RGS9: variants seen among roughly 807,000 people sequenced by gnomAD.
The protein encoded by RGS9 is regulator of G protein signaling 9, also known as regulator of G-protein signalling 9.
In RGS9, 78 loss-of-function variants were observed where a neutral mutation model predicts 102.0. The observed-to-expected ratio is 0.76, with a 90% CI of 0.64 to 0.92. The LOEUF is 0.92. Ranked by LOEUF, RGS9 falls within the 40% of genes least tolerant of loss-of-function variation. RGS9 has a pLI of 0.00. For synonymous variants in RGS9, 353 were observed against 318.6 expected (o/e 1.11, Z -1.15); for missense variants, 833 against 866.1 (o/e 0.96, Z 0.48).
At chr17:65,209,032 C>G (rs1913183350) in intron 16 of RGS9, among the ~76,000 whole-genome samples, 1 of 152,142 alleles carries the variant, frequency 6.6e-6, no homozygotes, top group Non-Finnish European at 1.5e-5. Context: ...CCTGTAATAG[C>G]TCCAGTAGTT....
In RGS9 at chr17:65,169,516, A is replaced by G. The variant is rs371470815; in HGVS notation, c.582+1235A>G. Among the ~76,000 whole-genome samples, 67 of 152,300 alleles carry G rather than the reference A, an allele frequency of 4.4e-4. 1 individual carries two copies. The South Asian group carries it at 0.014, about 31-fold the overall frequency. On this transcript the variant is annotated intron_variant, in intron 8 of 18. Transcript: ENST00000262406. ...GAAGCACTCTGTGGTGAGGATAAGG[A>G]GACATGGCGGATATGCCACATTTGG...
At chr17:65,167,368 A>T (rs996500746) in intron 7 of RGS9, among the ~76,000 whole-genome samples, 3 of 151,328 alleles carry the variant, frequency 2.0e-5, no homozygotes, top group Non-Finnish European at 4.4e-5. Context: ...TGCCCGGAAC[A>T]TTTTTATATT....
chr17:65,160,223 C>CT lies in RGS9; in HGVS notation c.206-6dup. 1 of 1,606,682 alleles carries CT rather than the reference C, an allele frequency of 6.2e-7. No individual in the cohort carries two copies. Among genetic ancestry groups the CT allele is most frequent in the Non-Finnish European group, 8.5e-7 (1 of 1,173,216 alleles). Reference sequence around the variant, plus strand: ...GCTCTTAACATCCATGTCTGAACTGCTTTTCCCAGAGGCACAGAACTTGGG... The same window carrying CT: ...GCTCTTAACATCCATGTCTGAACTGCTTTTTCCCAGAGGCACAGAACTTGGG... On this transcript the variant is annotated splice_polypyrimidine_tract_variant and intron_variant, in intron 3 of 18. Coordinates refer to ENST00000262406, the MANE Select transcript of RGS9 (RefSeq NM_003835.4).
chr17:65,216,534 G>A (rs1369157207), intron 17 of RGS9, among the ~76,000 whole-genome samples: 1 of 152,190 alleles, frequency 6.6e-6, no homozygotes, highest in African/African-American at 2.4e-5. Flanking sequence ...CTACTCAGGC[G>A]GCTGAGACAG....
chr17:65,157,548 C>T (rs1194239093), intron 2 of RGS9, among the ~76,000 whole-genome samples: 3 of 151,924 alleles, frequency 2.0e-5, no homozygotes, highest in Non-Finnish European at 4.4e-5. Context: ...GCCCGCCTCT[C>T]CTGCTGTTTT....
rs1905756756 is a variant in RGS9 at position 65,227,573 on chromosome 17, T to C, written c.*166T>C. On this transcript the variant is annotated 3_prime_UTR_variant, in exon 19 of 19. Transcript: ENST00000262406. ...AGATTGTGGCAAAGAATGCTCTGGC[T>C]GGTTACCAGGGGCCAACTCCTTCTC... 3.1e-6 allele frequency: 3 copies of C among 980,272 alleles called. No homozygotes were observed. The Admixed American group carries it at 6.3e-5, about 20-fold the overall frequency. The allele number at this position is 980,272 out of a possible 1,614,324, so 60.7% of individuals were successfully genotyped here.
rs372040591 is a variant in RGS9, at chr17:65,156,871, A to G, written c.155-1424A>G. Among the ~76,000 whole-genome samples the G allele has an allele frequency of 2.6e-3, 392 of 152,288 alleles. 2 individuals are homozygous for G. Among genetic ancestry groups the G allele is most frequent in the African/African-American group, 9.1e-3 (378 of 41,554 alleles). On this transcript the variant is annotated intron_variant, in intron 2 of 18. Transcript: ENST00000262406. ...TTTTGCTTTTGAACAGCCATCCAGGAGTGAATGATGCTAAGAGCAACAGAG... is the reference window on the plus strand; with the variant it reads ...TTTTGCTTTTGAACAGCCATCCAGGGGTGAATGATGCTAAGAGCAACAGAG...
chr17:65,180,372 G>C (rs962867159), intron 9 of RGS9, among the ~76,000 whole-genome samples: 2 of 151,520 alleles, frequency 1.3e-5, no homozygotes, highest in Admixed American at 6.6e-5. Flanking sequence ...TTTTTGAGAC[G>C]GAGTCCTGCT....
intron 11 of RGS9, among the ~76,000 whole-genome samples, chr17:65,191,086 C>T (rs1912347900): frequency 6.6e-6 from 1 of 152,202 alleles, no homozygotes; most frequent in African/African-American, 2.4e-5. Context: ...TGACCCCACA[C>T]ACATTTCAGT....
chr17:65,214,980 G>A (rs964753056), intron 17 of RGS9, among the ~76,000 whole-genome samples: 2 of 152,188 alleles, frequency 1.3e-5, no homozygotes, highest in Non-Finnish European at 2.9e-5. Flanking sequence ...CATTGTTTAT[G>A]TGTCTTTTTC....
At chr17:65,165,261 T>C (rs183045549) in intron 7 of RGS9, among the ~76,000 whole-genome samples, 58 of 152,292 alleles carry the variant, frequency 3.8e-4, no homozygotes, top group African/African-American at 1.4e-3. Context: ...ACCAAGGCCT[T>C]GGACTCAGCT....
chr17:65,221,065 A>T (rs73994761), intron 17 of RGS9, among the ~76,000 whole-genome samples: 1 of 152,144 alleles, frequency 6.6e-6, no homozygotes, highest in African/African-American at 2.4e-5. Flanking sequence ...AATTGTGGGA[A>T]CGGGTGGAAA....
chr17:65,216,041 C>T (rs539966653), intron 17 of RGS9, among the ~76,000 whole-genome samples: 1 of 152,084 alleles, frequency 6.6e-6, no homozygotes, highest in Admixed American at 6.6e-5. Context: ...CTGGAGGCAT[C>T]GGGGAAACTG....
intron 9 of RGS9, among the ~76,000 whole-genome samples, chr17:65,184,681 TTC>T (rs370173325): frequency 7.0e-4 from 107 of 152,050 alleles, no homozygotes; most frequent in African/African-American, 2.4e-3. Context: ...CCTTCCTTTT[TTC>T]TCTCTTTCCT....
chr17:65,210,571 C>T lies in RGS9; in HGVS notation c.1373C>T (p.Ala458Val). The change falls in exon 17 of 19, where the codon GCC becomes GTC. Residue 458 changes from alanine (A) to valine (V), a missense_variant. Ala to Val is a moderately conservative substitution (Grantham distance 64). This residue lies in a region of RGS9 where 185 missense variants were observed against 248.7 expected (regional missense o/e 0.74). Transcript: ENST00000262406. Reference sequence around the variant, plus strand: ...AGACAGCTGGAAGAGGAAGCCAAGGCCCGAGAAGCAGCCAACACTGTGGAC... The same window carrying T: ...AGACAGCTGGAAGAGGAAGCCAAGGTCCGAGAAGCAGCCAACACTGTGGAC... ...ILRQLEEEAK[A>V]REAANTVDIT... 1 of 1,614,040 alleles carries T rather than the reference C, an allele frequency of 6.2e-7. No homozygotes were observed.
chr17:65,193,268 A>G (rs1297846448), intron 11 of RGS9, among the ~76,000 whole-genome samples: 2 of 151,670 alleles, frequency 1.3e-5, no homozygotes, highest in Non-Finnish European at 2.9e-5. Flanking sequence ...AAAAAAAAAA[A>G]AAGAAAAAAA....
At chr17:65,222,254 A>G (rs1489863993) in intron 17 of RGS9, among the ~76,000 whole-genome samples, 1 of 152,166 alleles carries the variant, frequency 6.6e-6, no homozygotes, top group Admixed American at 6.5e-5. Context: ...AATCCTTGCC[A>G]AGCTTCCGAT....
At chr17:65,182,440 G>A (rs968382603) in intron 9 of RGS9, among the ~76,000 whole-genome samples, 3 of 152,214 alleles carry the variant, frequency 2.0e-5, no homozygotes, top group Non-Finnish European at 2.9e-5. Flanking sequence ...AAAGCAGGCC[G>A]AGAGAGAGGG....
chr17:65,157,048 C>T (rs8072705), intron 2 of RGS9, among the ~76,000 whole-genome samples: 8,328 of 152,102 alleles, frequency 0.055, 773 homozygotes, highest in African/African-American at 0.19. Flanking sequence ...GCCCAGAGAG[C>T]GTGTATATGG....
Sources: gnomAD v4.1 joint callset for allele counts (sites outside exome capture counted in the v4.1 genomes callset) on GRCh38, gnomAD v4.1.1 for gene constraint, gnomAD v4.1.1 regional missense constraint, MANE v1.5 for transcripts, NCBI Gene and HGNC (gene_info 2026-07-23, HGNC 2026-07-21) for gene names.